COL6A6: variants seen among roughly 807,000 people sequenced by gnomAD.
The protein encoded by COL6A6 is collagen alpha-6(VI) chain.
Under a neutral mutation model 208.6 loss-of-function variants are expected in COL6A6, and 183 were observed. That is an observed-to-expected ratio of 0.88 (90% confidence interval 0.78 to 0.99). The LOEUF (loss-of-function observed/expected upper bound fraction) is 0.99. Among genes scored for constraint, COL6A6 ranks in the 50% least tolerant of loss-of-function variants. The pLI is 0.00. For missense variants in COL6A6, 2,816 were observed against 2,815.2 expected, an observed-to-expected ratio of 1.00 and a Z score of -0.01; for synonymous variants, 973 against 1,011.8, an observed-to-expected ratio of 0.96 and a Z score of 0.73.
At chr3:130,565,713 G>A in intron 4 of COL6A6, 99 bp downstream of exon 4, 4 of 1,343,574 alleles carry the variant, frequency 3.0e-6, no homozygotes, top group East Asian at 2.5e-5. Flanking sequence ...AGATGTGGAT[G>A]GGAAGGATAA....
At chr3:130,640,464 A>G (rs1194002460) in intron 28 of COL6A6, among the ~76,000 whole-genome samples, 1 of 152,232 alleles carries the variant, frequency 6.6e-6, no homozygotes, top group African/African-American at 2.4e-5. Context: ...TTGGAGGTTA[A>G]CCTTTATCTT....
intron 5 of COL6A6, 115 bp from the exon 6 acceptor site, chr3:130,567,928 CTAAT>C: frequency 1.5e-6 from 1 of 688,244 alleles, no homozygotes; most frequent in East Asian, 2.7e-5. Flanking sequence ...TTATTTACTA[CTAAT>C]TATTACTAAG....
Position 130,652,555 on chromosome 3 carries a change from A to T in COL6A6, c.5733+2993A>T, listed in dbSNP as rs570442107. Among the ~76,000 whole-genome samples, 74 of 152,296 alleles carry T rather than the reference A, an allele frequency of 4.9e-4. No individual in the cohort carries two copies. In the Middle Eastern group the frequency reaches 0.014, roughly 28 times the overall value. Reference sequence around the variant, plus strand: ...ATACAGGAGCAAACTGGAAAACCAAAAGGCCCACCCTGACGCTGGAAGATG... The same window carrying T: ...ATACAGGAGCAAACTGGAAAACCAATAGGCCCACCCTGACGCTGGAAGATG... On this transcript the variant is annotated intron_variant, in intron 33 of 36. Transcript: ENST00000358511.
At chr3:130,570,765 C>A in intron 6 of COL6A6, 53 bp from the exon 7 acceptor site, 1 of 1,399,286 alleles carries the variant, frequency 7.1e-7, no homozygotes, top group Non-Finnish European at 9.9e-7. Flanking sequence ...GAGGCGTCTC[C>A]CATGCTGTCC....
At chr3:130,648,474 G>A (rs1270489406) in intron 32 of COL6A6, among the ~76,000 whole-genome samples, 1 of 151,438 alleles carries the variant, frequency 6.6e-6, no homozygotes, top group Non-Finnish European at 1.5e-5. Flanking sequence ...TACAGATGAA[G>A]AAACTGAGGC....
At chr3:130,597,541 C>T (rs2063886479) in intron 18 of COL6A6, among the ~76,000 whole-genome samples, 2 of 152,174 alleles carry the variant, frequency 1.3e-5, no homozygotes, top group African/African-American at 4.8e-5. Context: ...AGCTGGCACT[C>T]AGCAGGACTG....
intron 1 of COL6A6, among the ~76,000 whole-genome samples, chr3:130,542,087 TG>T (rs895359600): frequency 2.6e-5 from 4 of 151,744 alleles, no homozygotes; most frequent in African/African-American, 9.7e-5. Context: ...TCAATTTTAT[TG>T]TTTTTTTTTT....
chr3:130,562,988 C>A, intron 2 of COL6A6, 80 bp from the exon 3 acceptor site: 1 of 1,002,928 alleles, frequency 1.0e-6, no homozygotes, highest in Non-Finnish European at 1.5e-6. Flanking sequence ...GAAAGTACTT[C>A]CCCGCCATAG....
At chr3:130,549,386 C>T (rs1299354459) in intron 1 of COL6A6, among the ~76,000 whole-genome samples, 2 of 152,144 alleles carry the variant, frequency 1.3e-5, no homozygotes, top group Non-Finnish European at 2.9e-5. Context: ...TCAAACTCTT[C>T]AGTTTAATTG....
At chr3:130,607,071 T>C (rs2064205246) in intron 21 of COL6A6, 105 bp downstream of exon 21, 1 of 862,028 alleles carries the variant, frequency 1.2e-6, no homozygotes, top group Non-Finnish European at 1.8e-6. Context: ...TTTGATGATA[T>C]TGGTTATGGA....
At chr3:130,595,943 C>T (rs1274510026) in intron 18 of COL6A6, among the ~76,000 whole-genome samples, 3 of 152,162 alleles carry the variant, frequency 2.0e-5, no homozygotes, top group African/African-American at 7.2e-5. Context: ...CGGTATTACA[C>T]ACTCATCAGA....
At chr3:130,544,094 TCTC>T (rs1483071141) in intron 1 of COL6A6, among the ~76,000 whole-genome samples, 1 of 152,184 alleles carries the variant, frequency 6.6e-6, no homozygotes, top group Non-Finnish European at 1.5e-5. Flanking sequence ...GTACATTAAA[TCTC>T]CTGACTTATT....
chr3:130,654,672 A>G (rs997539160), intron 33 of COL6A6, among the ~76,000 whole-genome samples: 2 of 152,204 alleles, frequency 1.3e-5, no homozygotes, highest in African/African-American at 4.8e-5. Flanking sequence ...GTGCTCATGT[A>G]ACGTTCCAGT....
intron 1 of COL6A6, among the ~76,000 whole-genome samples, chr3:130,539,402 G>A (rs1223727536): frequency 6.6e-6 from 1 of 152,214 alleles, no homozygotes; most frequent in Non-Finnish European, 1.5e-5. Flanking sequence ...TCGGGAGGCC[G>A]AGGCCGGTGG....
chr3:130,649,449 C>A lies in COL6A6; in HGVS notation c.5620C>A (p.Gln1874Lys), dbSNP rs750987519. The A allele has an allele frequency of 6.2e-6, 10 of 1,612,644 alleles. 1 individual carries two copies. The South Asian group carries it at 1.1e-4, about 18-fold the overall frequency. The change falls in exon 33 of 37, where the codon CAG (glutamine) becomes AAG (lysine). Residue 1874 changes from glutamine (Q) to lysine (K), a missense_variant. Transcript: ENST00000358511. ...RKIATFFSSG[Q>K]SADAHSITTA... ...AATCGCCACATTTTTCAGCAGCGGT[C>A]AGTCCGCGGATGCCCACTCCATCAC...
intron 8 of COL6A6, among the ~76,000 whole-genome samples, chr3:130,576,012 C>T (rs923356736): frequency 6.6e-6 from 1 of 152,150 alleles, no homozygotes; most frequent in Admixed American, 6.5e-5. Context: ...TTCTCTGTCC[C>T]CTCCAGGGGC....
At position 130,591,083 on chromosome 3, in the gene COL6A6, G is replaced by T; in HGVS notation, c.4261G>T (p.Glu1421Ter). 6.3e-7 allele frequency: 1 copy of T among 1,583,214 alleles called. No homozygotes were observed. Among genetic ancestry groups the T allele is most frequent in the African/African-American group, 1.3e-5 (1 of 74,664 alleles). ...AGGCAGTGAAGGCTACCTGGGAGAG[G>T]AGGGAATCGCTGTAAGTCAGGGCTC... ...FKGSEGYLGE[E>*]GIAGERGAPG... The change falls in exon 13 of 37, where the codon GAG (glutamate) becomes TAG (stop). Residue 1421 changes from glutamate (E) to a stop codon, truncating the protein, a stop_gained. Transcript: ENST00000358511. LOFTEE classifies it high-confidence loss of function.
Position 130,661,998 on chromosome 3 carries a change from C to G in COL6A6, c.6192C>G (p.Ala2064=). The change falls in exon 35 of 37, where the codon GCC becomes GCG. Residue 2064 remains alanine (A), a synonymous_variant. Transcript: ENST00000358511. The part of the protein sequence containing the change: ...QLNGDAFIGH[A]LQWTLDNVFL... ...ATGGAGATGCTTTTATTGGTCATGC[C>G]TTACAGTGGACTCTGGACAATGTAT... is the stretch of plus-strand genomic sequence containing the variant. 6.2e-7 allele frequency: 1 copy of G among 1,613,976 alleles called. No individual in the cohort carries two copies. The highest frequency in any genetic ancestry group is 8.5e-7 in the Non-Finnish European group (1 of 1,179,882).
At position 130,627,385 on chromosome 3, in the gene COL6A6, T is replaced by A. The variant is rs1482703136; in HGVS notation, c.4992+16T>A. On this transcript the variant is annotated intron_variant, in intron 26 of 36. Coordinates refer to ENST00000358511, the MANE Select transcript of COL6A6 (RefSeq NM_001102608.3). ...GGGAGCAAAGGTAAGTCAAGTCTGCTGGAAGCTGGACGTTTTCCATTTATT... is the reference window on the plus strand; with the variant it reads ...GGGAGCAAAGGTAAGTCAAGTCTGCAGGAAGCTGGACGTTTTCCATTTATT... The A allele has an allele frequency of 1.9e-6, 3 of 1,612,624 alleles. No homozygotes were observed. Among genetic ancestry groups the A allele is most frequent in the Non-Finnish European group, 1.7e-6 (2 of 1,178,628 alleles).
Sources: gnomAD v4.1 joint callset for allele counts (sites outside exome capture counted in the v4.1 genomes callset) on GRCh38, gnomAD v4.1.1 for gene constraint, MANE v1.5 for transcripts, NCBI Gene and HGNC (gene_info 2026-07-23, HGNC 2026-07-21) for gene names.